TTC22: variants seen among roughly 807,000 people sequenced by gnomAD.
The protein encoded by TTC22 is tetratricopeptide repeat domain 22.
TTC22 carries 42 observed loss-of-function variants against 48.2 expected under a neutral mutation model. The observed-to-expected ratio is 0.87, with a 90% confidence interval of 0.68 to 1.13. The LOEUF is 1.13. Among genes scored for constraint, TTC22 ranks in the 50% most tolerant of loss-of-function variants. TTC22 has a pLI of 0.00. For missense variants in TTC22, 784 were observed against 807.0 expected (o/e 0.97, Z 0.34); for synonymous variants, 345 against 365.5 (o/e 0.94, Z 0.64).
At chr1:54,799,256 T>A (rs1646415027) in intron 1 of TTC22, among the ~76,000 whole-genome samples, 1 of 152,148 alleles carries the variant, frequency 6.6e-6, no homozygotes, top group African/African-American at 2.4e-5. Flanking sequence ...CACTCTCTCA[T>A]CTGGATGTTC....
rs553908747 is a variant in TTC22 at position 54,799,390 on chromosome 1, C to CT, written c.567+1206_567+1207insA. 2.8e-3 allele frequency among the ~76,000 whole-genome samples: 419 copies of CT among 152,302 alleles called. 1 individual carries two copies. Among genetic ancestry groups the CT allele is most frequent in the African/African-American group, 9.7e-3 (405 of 41,564 alleles). On this transcript the variant is annotated intron_variant, in intron 1 of 6. Transcript: ENST00000371276. ...CAGGAAGGCTTCCCCCAGTGAACGG[C>CT]CTCCTAAGAGCAGGAAAGTGCCTCA...
At chr1:54,797,901 G>A (rs544902445) in intron 1 of TTC22, among the ~76,000 whole-genome samples, 1 of 152,236 alleles carries the variant, frequency 6.6e-6, no homozygotes, top group Admixed American at 6.5e-5. Flanking sequence ...GCCCCACAAG[G>A]ATGGAAAATC....
intron 1 of TTC22, among the ~76,000 whole-genome samples, chr1:54,789,192 C>T (rs180855899): frequency 3.9e-5 from 6 of 152,272 alleles, no homozygotes; most frequent in Admixed American, 2.6e-4. Flanking sequence ...CTTCCCCACA[C>T]TGGGTTGCCA....
At chr1:54,781,914 A>G (rs1164080688) in intron 6 of TTC22, 135 bp from the exon 7 acceptor site, 35 of 854,226 alleles carry the variant, frequency 4.1e-5, no homozygotes, top group Non-Finnish European at 1.3e-5. Flanking sequence ...ATTATTAATC[A>G]CACGTTTTAT....
rs1484846403 is a variant in TTC22 at position 54,781,236 on chromosome 1, C to T, written c.*7G>A. ...CCCAGGGAGCCTCCGGCCTGGGCAC[C>T]TGAGCCCTAGAATGAGACAGCCCGG... is the stretch of plus-strand genomic sequence containing the variant. On this transcript the variant is annotated 3_prime_UTR_variant, in exon 7 of 7. Coordinates refer to ENST00000371276, the MANE Select transcript of TTC22 (RefSeq NM_001114108.2). 1 of 1,447,518 alleles carries T rather than the reference C, an allele frequency of 6.9e-7. No homozygotes were observed. Among genetic ancestry groups the T allele is most frequent in the Non-Finnish European group, 9.0e-7 (1 of 1,109,686 alleles). 89.7% of individuals were successfully genotyped at this position (1,447,518 alleles called of 1,614,324 possible). A position where few individuals can be genotyped will look rare whatever the true frequency, so the allele number is the denominator to read the frequency against.
intron 1 of TTC22, among the ~76,000 whole-genome samples, chr1:54,791,349 C>T (rs1304864938): frequency 2.6e-5 from 4 of 152,078 alleles, no homozygotes; most frequent in Middle Eastern, 3.2e-3. Context: ...AGCTGAGGCT[C>T]GTGTGCCTGG....
At chr1:54,787,942 T>A (rs1463961607) in intron 2 of TTC22, 100 bp downstream of exon 2, 4 of 1,481,614 alleles carry the variant, frequency 2.7e-6, no homozygotes, top group Non-Finnish European at 3.7e-6. Context: ...CCCTTTCCAG[T>A]AGGAAGGGCC....
Position 54,801,051 on chromosome 1 carries a change from G to A in TTC22, c.113C>T (p.Pro38Leu), listed in dbSNP as rs144772142. 6.2e-7 allele frequency: 1 copy of A among 1,612,332 alleles called. No homozygotes were observed. Residue 38 changes from proline to leucine, a missense_variant, in exon 1 of 7, where the codon CCG becomes CTG. By Grantham distance (98) the Pro-to-Leu change is moderately conservative. Coordinates refer to ENST00000371276, the MANE Select transcript of TTC22 (RefSeq NM_001114108.2). ...EMQLNFEPRS[P>L]APQRARDLKL... ...CAGGTCCCGGGCGCGCTGTGGGGCC[G>A]GCGAGCGCGGCTCGAAGTTCAACTG...
At chr1:54,800,503 G>A in intron 1 of TTC22, 94 bp downstream of exon 1, 4 of 1,128,534 alleles carry the variant, frequency 3.5e-6, no homozygotes, top group Non-Finnish European at 4.7e-6. Flanking sequence ...GGTTGAGAGA[G>A]AGTCAGGGGT....
chr1:54,787,008 G>C lies in TTC22; in HGVS notation c.807C>G (p.Gly269=). 1.3e-6 allele frequency: 2 copies of C among 1,562,824 alleles called. No homozygotes were observed. The highest frequency in any genetic ancestry group is 4.8e-5 in the East Asian group (2 of 41,710). Residue 269 remains glycine, a synonymous_variant, in exon 4 of 7, where the codon GGC becomes GGG. Coordinates refer to ENST00000371276, the MANE Select transcript of TTC22 (RefSeq NM_001114108.2). ...RKDTFSTTPM[G]VHDCGYSGTD... ...TCCCTGAGTACCCGCAGTCATGGAC[G>C]CCCATGGGGGTGGTGGAGAAGGTGT...
intron 1 of TTC22, among the ~76,000 whole-genome samples, chr1:54,792,408 C>A (rs991064708): frequency 6.6e-6 from 1 of 151,222 alleles, no homozygotes; most frequent in Admixed American, 6.6e-5. Context: ...CTCTGTGGTG[C>A]AATTCTGGCT....
At chr1:54,795,460 T>C (rs1253123887) in intron 1 of TTC22, among the ~76,000 whole-genome samples, 6 of 152,238 alleles carry the variant, frequency 3.9e-5, no homozygotes, top group Admixed American at 2.0e-4. Context: ...CTTTGCTCTG[T>C]GCTGGGTCCC....
At chr1:54,789,609 T>C (rs72895714) in intron 1 of TTC22, among the ~76,000 whole-genome samples, 2,336 of 152,300 alleles carry the variant, frequency 0.015, 58 homozygotes, top group African/African-American at 0.052. Context: ...ACTAATTGCA[T>C]TTCTCAGTCA....
chr1:54,787,508 C>T (rs762953490), intron 3 of TTC22: 2 of 601,752 alleles, frequency 3.3e-6, no homozygotes, highest in Non-Finnish European at 6.0e-6. Flanking sequence ...GGCAAGCCTG[C>T]AGTCACAGTG....
Position 54,801,015 on chromosome 1 carries a change from C to A in TTC22, c.149G>T (p.Arg50Leu). Residue 50 changes from arginine to leucine, a missense_variant, in exon 1 of 7, where the codon CGG becomes CTG. Transcript: ENST00000371276. ...PQRARDLKLQ[R>L]EGLRQELQLA... ...CTGGAGCTCCTGCCGCAGACCCTCCCGCTGCAGCTTCAGGTCCCGGGCGCG... is the reference window on the plus strand; with the variant it reads ...CTGGAGCTCCTGCCGCAGACCCTCCAGCTGCAGCTTCAGGTCCCGGGCGCG... 3 of 1,610,514 alleles carry A rather than the reference C, an allele frequency of 1.9e-6. No homozygotes were observed. Among genetic ancestry groups the A allele is most frequent in the Non-Finnish European group, 1.7e-6 (2 of 1,179,236 alleles).
At chr1:54,782,235 C>T in intron 6 of TTC22, 90 bp downstream of exon 6, 1 of 1,344,740 alleles carries the variant, frequency 7.4e-7, no homozygotes, top group Non-Finnish European at 9.9e-7. Flanking sequence ...AAACTTTTTC[C>T]TCTGCATCTT....
At chr1:54,783,435 A>G (rs1646277716) in intron 5 of TTC22, among the ~76,000 whole-genome samples, 1 of 152,192 alleles carries the variant, frequency 6.6e-6, no homozygotes, top group Non-Finnish European at 1.5e-5. Flanking sequence ...GTCTGAAAGA[A>G]CATATTCTAG....
At position 54,788,054 on chromosome 1, in the gene TTC22, G is replaced by A; in HGVS notation, c.611C>T (p.Thr204Ile). 1 of 1,613,958 alleles carries A rather than the reference G, an allele frequency of 6.2e-7. No individual in the cohort carries two copies. Among genetic ancestry groups the A allele is most frequent in the South Asian group, 1.1e-5 (1 of 91,084 alleles). Residue 204 changes from threonine (T) to isoleucine (I), a missense_variant, in exon 2 of 7, where the codon ACA becomes ATA. Thr to Ile is a moderately conservative substitution (Grantham distance 89). Coordinates refer to ENST00000371276, the MANE Select transcript of TTC22 (RefSeq NM_001114108.2). ...CCTCTTGCCTGACCTGATGTAGAGT[G>A]TTGCCATGGTGAAATACCAGCCCCT... is the stretch of plus-strand genomic sequence containing the variant. Reference protein sequence around the residue: ...EKRGWYFTMATLYIRLDGIFL... With the variant: ...EKRGWYFTMAILYIRLDGIFL...
At position 54,786,052 on chromosome 1, in the gene TTC22, G is replaced by A; in HGVS notation, c.951C>T (p.Thr317=). 6.2e-7 allele frequency: 1 copy of A among 1,614,070 alleles called. No homozygotes were observed. The highest frequency in any genetic ancestry group is 1.1e-5 in the South Asian group (1 of 91,080). The part of the protein sequence containing the change: ...FLGKQDMAIG[T]CNMALDVLRD... ...GTAGGACATCCAGGGCCATGTTGCA[G>A]GTTCCAATGGCCATATCCTGCTTTC... is the stretch of plus-strand genomic sequence containing the variant. The change falls in exon 5 of 7, where the codon ACC becomes ACT. Residue 317 remains threonine, a synonymous_variant. Coordinates refer to ENST00000371276, the MANE Select transcript of TTC22 (RefSeq NM_001114108.2).
Sources: gnomAD v4.1 joint callset for allele counts (sites outside exome capture counted in the v4.1 genomes callset) on GRCh38, gnomAD v4.1.1 for gene constraint, MANE v1.5 for transcripts, NCBI Gene and HGNC (gene_info 2026-07-23, HGNC 2026-07-21) for gene names.